CCL28: variants seen among roughly 807,000 people sequenced by gnomAD.
CCL28 encodes the protein C-C motif chemokine ligand 28.
Under a neutral mutation model 7.1 loss-of-function variants are expected in CCL28, and 4 were observed. The observed-to-expected ratio is 0.56, with a 90% CI of 0.28 to 1.29. The LOEUF (loss-of-function observed/expected upper bound fraction) is 1.29. CCL28 is among the 50% of genes most tolerant of loss of function. The pLI is 0.11. For synonymous variants in CCL28, 55 were observed against 57.8 expected (o/e 0.95, Z 0.22); for missense variants, 151 against 163.4 (o/e 0.92, Z 0.41).
At chr5:43,405,182 C>A (rs1356148338) in intron 1 of CCL28, among the ~76,000 whole-genome samples, 1 of 152,224 alleles carries the variant, frequency 6.6e-6, no homozygotes, top group Non-Finnish European at 1.5e-5. Flanking sequence ...GAACTCTCCA[C>A]CCCAAATCAA....
rs1013813377 is a variant in CCL28 at position 43,379,229 on chromosome 5, C to T, written c.*2631G>A. On this transcript the variant is annotated 3_prime_UTR_variant, in exon 3 of 3. Transcript: ENST00000361115. ...TAACTTTTATTAATGTTGGTTATCA[C>T]GGTTAATTAATTTAAAATGGAAAAT... is the stretch of plus-strand genomic sequence containing the variant. 4.0e-5 allele frequency: 6 copies of T among 149,766 alleles called. No homozygotes were observed. Among genetic ancestry groups the T allele is most frequent in the South Asian group, 2.1e-4 (1 of 4,700 alleles). 9.3% of individuals were successfully genotyped at this position (149,766 alleles called of 1,614,324 possible). A position where few individuals can be genotyped will look rare whatever the true frequency, so the allele number is the denominator to read the frequency against.
chr5:43,388,315 T>A, intron 2 of CCL28, 35 bp downstream of exon 2: 3 of 1,612,030 alleles, frequency 1.9e-6, no homozygotes, highest in Non-Finnish European at 2.5e-6. Flanking sequence ...ATAATCACTG[T>A]GCAGGTTTAG....
chr5:43,401,946 G>A (rs1195245118), intron 1 of CCL28, among the ~76,000 whole-genome samples: 1 of 152,172 alleles, frequency 6.6e-6, no homozygotes, highest in Non-Finnish European at 1.5e-5. Context: ...TCTCTCATCA[G>A]GTTCCTGTAG....
chr5:43,359,638 C>A, the CCL28 span, among the ~76,000 whole-genome samples: 5 of 152,306 alleles, frequency 3.3e-5, no homozygotes, highest in South Asian at 6.2e-4. Context: ...CTGTTCCCAA[C>A]AATAAGCAGC....
the CCL28 span, among the ~76,000 whole-genome samples, chr5:43,360,594 C>T: frequency 4.6e-5 from 7 of 152,014 alleles, no homozygotes; most frequent in African/African-American, 1.4e-4. Context: ...ATGCAAAGGA[C>T]ATGATCTCCT....
intron 1 of CCL28, among the ~76,000 whole-genome samples, chr5:43,406,005 A>G (rs1366056814): frequency 1.3e-5 from 2 of 152,094 alleles, no homozygotes; most frequent in African/African-American, 4.8e-5. Flanking sequence ...GCAATAATTA[A>G]TAGCCTACCA....
chr5:43,360,862 G>A, the CCL28 span, among the ~76,000 whole-genome samples: 1 of 151,940 alleles, frequency 6.6e-6, no homozygotes, highest in Non-Finnish European at 1.5e-5. Context: ...ACATGTGCAG[G>A]ATGTGCAGGT....
chr5:43,362,596 T>A, the CCL28 span, among the ~76,000 whole-genome samples: 1 of 152,218 alleles, frequency 6.6e-6, no homozygotes, highest in Non-Finnish European at 1.5e-5. Context: ...CATGCAAGAT[T>A]GTTAAAACTA....
chr5:43,369,039 AGAGAGAGAGAGAGAGAG>A, the CCL28 span, among the ~76,000 whole-genome samples: 1 of 1,932 alleles, frequency 5.2e-4, no homozygotes, highest in Non-Finnish European at 1.1e-3. Context: ...AGAGAGAAAG[AGAGAGAGAGAGAGAGAG>A]AGAGAGAGAG....
intron 2 of CCL28, among the ~76,000 whole-genome samples, chr5:43,383,664 G>A (rs969849711): frequency 1.1e-4 from 16 of 152,074 alleles, no homozygotes; most frequent in African/African-American, 2.4e-4. Context: ...GCACTGTTGC[G>A]TAGGAAACAA....
At chr5:43,375,674 T>C (rs567162816), downstream of CCL28, among the ~76,000 whole-genome samples, 6 of 152,178 alleles carry the variant, frequency 3.9e-5, no homozygotes, top group South Asian at 1.2e-3. Flanking sequence ...AAGTGACTGA[T>C]AAAGGCAAGA....
intron 1 of CCL28, among the ~76,000 whole-genome samples, chr5:43,402,039 G>A (rs578075683): frequency 4.8e-4 from 73 of 152,314 alleles, no homozygotes; most frequent in Non-Finnish European, 7.5e-4. Context: ...AGCATGTCCA[G>A]TGAGATGCTT....
the CCL28 span, among the ~76,000 whole-genome samples, chr5:43,366,809 C>T: frequency 6.6e-6 from 1 of 152,220 alleles, no homozygotes; most frequent in African/African-American, 2.4e-5. Flanking sequence ...AAGCCCCTGA[C>T]TACCGGCTGC....
intron 2 of CCL28, among the ~76,000 whole-genome samples, chr5:43,384,651 T>C (rs997241660): frequency 6.6e-6 from 1 of 152,080 alleles, no homozygotes; most frequent in Non-Finnish European, 1.5e-5. Flanking sequence ...CCTTTTTTTT[T>C]TTCTTAACCC....
chr5:43,360,267 T>C, the CCL28 span, among the ~76,000 whole-genome samples: 13 of 152,318 alleles, frequency 8.5e-5, no homozygotes, highest in East Asian at 1.5e-3. Context: ...TAATATTCAT[T>C]TTTATCACAT....
At chr5:43,386,019 A>G (rs985992422) in intron 2 of CCL28, among the ~76,000 whole-genome samples, 14 of 152,130 alleles carry the variant, frequency 9.2e-5, no homozygotes, top group African/African-American at 3.4e-4. Context: ...TTTTTCTCCA[A>G]GCCTTTCTGG....
At chr5:43,392,563 C>G (rs1260458895) in intron 1 of CCL28, among the ~76,000 whole-genome samples, 1 of 152,170 alleles carries the variant, frequency 6.6e-6, no homozygotes, top group Non-Finnish European at 1.5e-5. Context: ...TATTTCATAC[C>G]AGCAAATTGC....
intron 1 of CCL28, among the ~76,000 whole-genome samples, chr5:43,392,968 T>C (rs1202386206): frequency 3.3e-5 from 5 of 152,208 alleles, no homozygotes; most frequent in Admixed American, 3.3e-4. Flanking sequence ...AATCCTCCCA[T>C]AGTCAGATAT....
chr5:43,368,538 A>G, the CCL28 span, among the ~76,000 whole-genome samples: 1 of 152,326 alleles, frequency 6.6e-6, no homozygotes, highest in East Asian at 1.9e-4. Flanking sequence ...TCCCATTCCC[A>G]TAGCACTCAT....
Sources: gnomAD v4.1 joint callset for allele counts (sites outside exome capture counted in the v4.1 genomes callset) on GRCh38, gnomAD v4.1.1 for gene constraint, MANE v1.5 for transcripts, NCBI Gene and HGNC (gene_info 2026-07-23, HGNC 2026-07-21) for gene names.